Variants in KIFAP3 observed in about 807,000 individuals in gnomAD.
KIFAP3 encodes kinesin associated protein 3.
A neutral mutation model predicts 106.5 loss-of-function variants in KIFAP3; 68 were observed. That is an observed-to-expected ratio of 0.64 (90% CI 0.53 to 0.78). The LOEUF is 0.78. Among genes scored for constraint, KIFAP3 ranks in the 30% least tolerant of loss-of-function variants. The pLI, the probability that KIFAP3 is intolerant of heterozygous loss-of-function variation, is 0.00. For synonymous variants in KIFAP3, 320 were observed against 311.5 expected, an observed-to-expected ratio of 1.03 and a Z score of -0.29; for missense variants, 780 against 941.8, an observed-to-expected ratio of 0.83 and a Z score of 2.25.
chr1:170,057,593 G>T (rs962772906), intron 1 of KIFAP3, among the ~76,000 whole-genome samples: 1 of 147,604 alleles, frequency 6.8e-6, no homozygotes, highest in African/African-American at 2.5e-5. Context: ...GACAGCTATA[G>T]TTTTTTTTTT....
chr1:169,950,567 T>C (rs1012000282), intron 19 of KIFAP3, among the ~76,000 whole-genome samples: 15 of 152,040 alleles, frequency 9.9e-5, no homozygotes, highest in Non-Finnish European at 1.9e-4. Context: ...AATCAGCTTT[T>C]TCAATATGTA....
intron 10 of KIFAP3, among the ~76,000 whole-genome samples, chr1:169,998,161 TG>T (rs766446595): frequency 1.4e-4 from 21 of 152,012 alleles, no homozygotes; most frequent in Admixed American, 4.6e-4. Context: ...ACTCTTAAAG[TG>T]GGGAACAGTC....
intron 19 of KIFAP3, among the ~76,000 whole-genome samples, chr1:169,937,074 A>G (rs759897547): frequency 6.6e-6 from 1 of 151,134 alleles, no homozygotes; most frequent in Non-Finnish European, 1.5e-5. Flanking sequence ...TATAAGCCTG[A>G]TAATACTATT....
chr1:169,990,765 G>C (rs1221108172), intron 11 of KIFAP3, among the ~76,000 whole-genome samples: 3 of 151,992 alleles, frequency 2.0e-5, no homozygotes, highest in Non-Finnish European at 1.5e-5. Context: ...ATTTAGGACA[G>C]ATATTTATTT....
intron 3 of KIFAP3, among the ~76,000 whole-genome samples, chr1:170,045,692 C>T (rs550746606): frequency 6.6e-6 from 1 of 152,230 alleles, no homozygotes; most frequent in African/African-American, 2.4e-5. Flanking sequence ...TGAACTAAAC[C>T]TGAATTCTTC....
At chr1:170,043,985 T>C (rs1571721450) in intron 3 of KIFAP3, among the ~76,000 whole-genome samples, 1 of 152,100 alleles carries the variant, frequency 6.6e-6, no homozygotes, top group African/African-American at 2.4e-5. Context: ...GGGGATGATG[T>C]TGAGGTGATT....
intron 10 of KIFAP3, among the ~76,000 whole-genome samples, chr1:170,012,179 T>G (rs1376934383): frequency 6.6e-6 from 1 of 152,058 alleles, no homozygotes; most frequent in Non-Finnish European, 1.5e-5. Context: ...ATTGCTGCTA[T>G]AGAAATGCTG....
intron 19 of KIFAP3, 70 bp from the exon 20 acceptor site, chr1:169,921,851 T>A (rs916801182): frequency 9.7e-7 from 1 of 1,034,322 alleles, no homozygotes; most frequent in Admixed American, 2.0e-5. Flanking sequence ...TTAAGAGGCC[T>A]ACATTTTTAT....
intron 11 of KIFAP3, among the ~76,000 whole-genome samples, chr1:169,986,161 A>T (rs1301829172): frequency 1.3e-5 from 2 of 151,804 alleles, no homozygotes; most frequent in Non-Finnish European, 2.9e-5. Flanking sequence ...TTTATTTTAG[A>T]CCTCTTTCTG....
intron 17 of KIFAP3, among the ~76,000 whole-genome samples, chr1:169,971,654 A>G (rs1009899324): frequency 2.0e-5 from 3 of 152,010 alleles, no homozygotes; most frequent in Non-Finnish European, 4.4e-5. Context: ...TCACTAGCAG[A>G]AAATCCAACT....
In KIFAP3 at chr1:169,941,572, T is replaced by G. The variant is rs1274278718; in HGVS notation, c.2273+12439A>C. ...AACAGTAACTGTGACTTCAATCTTCTGGGAAAATATAAGCTGATTTCCTTT... is the reference window on the plus strand; with the variant it reads ...AACAGTAACTGTGACTTCAATCTTCGGGGAAAATATAAGCTGATTTCCTTT... On this transcript the variant is annotated intron_variant, in intron 19 of 19. Coordinates refer to ENST00000361580, the MANE Select transcript of KIFAP3 (RefSeq NM_014970.4). Among the ~76,000 whole-genome samples the G allele has an allele frequency of 2.0e-5, 3 of 152,258 alleles. No individual in the cohort carries two copies. The East Asian group carries it at 5.8e-4, about 29-fold the overall frequency.
In KIFAP3 at chr1:169,949,556, C is replaced by A. The variant is rs185340080; in HGVS notation, c.2273+4455G>T. ...GCAGTTTAAAAATACCCTTAACATG[C>A]GGTTCTTGTTAGTCTTGAAAAGTAA... On this transcript the variant is annotated intron_variant, in intron 19 of 19. Coordinates refer to ENST00000361580, the MANE Select transcript of KIFAP3 (RefSeq NM_014970.4). 1.4e-3 allele frequency among the ~76,000 whole-genome samples: 218 copies of A among 151,988 alleles called. 1 individual carries two copies. Among genetic ancestry groups the A allele is most frequent in the Non-Finnish European group, 2.6e-3 (174 of 67,946 alleles).
At chr1:170,002,595 A>C (rs1172065250) in intron 10 of KIFAP3, among the ~76,000 whole-genome samples, 4 of 152,188 alleles carry the variant, frequency 2.6e-5, no homozygotes, top group Admixed American at 6.5e-5. Context: ...TAGAACTCAG[A>C]ATCAAAATTT....
intron 2 of KIFAP3, among the ~76,000 whole-genome samples, chr1:170,052,791 A>T (rs1337133575): frequency 6.6e-6 from 1 of 152,226 alleles, no homozygotes; most frequent in African/African-American, 2.4e-5. Context: ...AAAATTCAAC[A>T]TCTTTTTATG....
chr1:170,015,077 T>C (rs1422800751), intron 10 of KIFAP3, among the ~76,000 whole-genome samples: 1 of 152,182 alleles, frequency 6.6e-6, no homozygotes, highest in Non-Finnish European at 1.5e-5. Flanking sequence ...ACATTGGATA[T>C]TATGTCTTAT....
chr1:170,066,265 T>G (rs1029003626), intron 1 of KIFAP3, among the ~76,000 whole-genome samples: 7 of 152,032 alleles, frequency 4.6e-5, no homozygotes, highest in South Asian at 2.1e-4. Flanking sequence ...AATTTTTGCT[T>G]TCAAGTCATA....
At chr1:169,935,033 G>T (rs1663709933) in intron 19 of KIFAP3, among the ~76,000 whole-genome samples, 1 of 151,964 alleles carries the variant, frequency 6.6e-6, no homozygotes, top group Admixed American at 6.6e-5. Context: ...AAAAATATTT[G>T]AATGCTTTTT....
chr1:170,071,406 A>C (rs940973425), intron 1 of KIFAP3, among the ~76,000 whole-genome samples: 2 of 152,198 alleles, frequency 1.3e-5, no homozygotes, highest in Non-Finnish European at 2.9e-5. Flanking sequence ...TGAATTAGTC[A>C]ATTTTATGTT....
intron 17 of KIFAP3, among the ~76,000 whole-genome samples, chr1:169,964,322 A>G (rs1296464196): frequency 6.6e-6 from 1 of 152,210 alleles, no homozygotes; most frequent in Non-Finnish European, 1.5e-5. Flanking sequence ...ACACTGAAGT[A>G]ACTTGATCCA....
Sources: gnomAD v4.1 joint callset for allele counts (sites outside exome capture counted in the v4.1 genomes callset) on GRCh38, gnomAD v4.1.1 for gene constraint, MANE v1.5 for transcripts, NCBI Gene and HGNC (gene_info 2026-07-23, HGNC 2026-07-21) for gene names.